The following PACRG variants were observed in gnomAD, a reference collection of about 807,000 sequenced individuals.
PACRG encodes the protein parkin coregulated gene protein.
Under a neutral mutation model 29.7 loss-of-function variants are expected in PACRG, and 29 were observed. The observed-to-expected ratio is 0.98, with a 90% confidence interval of 0.73 to 1.33. The LOEUF (loss-of-function observed/expected upper bound fraction) is 1.33, where lower values mean the gene tolerates loss of function less well. Among genes scored for constraint, PACRG ranks in the 40% most tolerant of loss-of-function variants. The pLI is 0.00. For missense variants in PACRG, 279 were observed against 316.2 expected, an observed-to-expected ratio of 0.88 and a Z score of 0.89; for synonymous variants, 116 against 118.7, an observed-to-expected ratio of 0.98 and a Z score of 0.15.
intron 4 of PACRG, among the ~76,000 whole-genome samples, chr6:163,185,991 CT>C (rs1779905896): frequency 1.3e-5 from 2 of 152,168 alleles, no homozygotes; most frequent in South Asian, 2.1e-4. Flanking sequence ...GGCGTGCCCC[CT>C]CCTCTCTCTG....
chr6:163,089,516 A>G (rs1453666426), intron 4 of PACRG, 108 bp downstream of exon 4: 12 of 1,337,906 alleles, frequency 9.0e-6, no homozygotes, highest in Non-Finnish European at 1.2e-5. Context: ...CATATAAACC[A>G]TGATCCATTT....
rs1184182310 is a variant in PACRG at position 162,773,855 on chromosome 6, C to T, written c.157-40292C>T. Among the ~76,000 whole-genome samples the T allele has an allele frequency of 2.0e-5, 3 of 152,014 alleles. No homozygotes were observed. The East Asian group carries it at 5.8e-4, about 29-fold the overall frequency. ...CAGCATATAAATGTAAAGACAAATC[C>T]TGGCTTCTTGCTGGAAAATCCTTTA... On this transcript the variant is annotated intron_variant, in intron 1 of 4. Coordinates refer to ENST00000366888, the MANE Select transcript of PACRG (RefSeq NM_001080379.2).
chr6:162,969,403 A>T (rs373526049), intron 2 of PACRG, among the ~76,000 whole-genome samples: 5 of 151,740 alleles, frequency 3.3e-5, no homozygotes, highest in African/African-American at 1.2e-4. Flanking sequence ...TCTTCTGTCC[A>T]TTGCTACCCC....
intron 3 of PACRG, among the ~76,000 whole-genome samples, chr6:163,083,395 G>A (rs569728984): frequency 8.5e-5 from 13 of 152,222 alleles, no homozygotes; most frequent in African/African-American, 3.1e-4. Flanking sequence ...GCTTTAAGTT[G>A]TCCTGCCTTT....
intron 2 of PACRG, among the ~76,000 whole-genome samples, chr6:162,975,918 G>C (rs1000844000): frequency 6.6e-6 from 1 of 151,890 alleles, no homozygotes; most frequent in African/African-American, 2.4e-5. Flanking sequence ...AAGATGAAAA[G>C]TTACAAACCT....
rs185126469 is a variant in PACRG at position 163,287,279 on chromosome 6, C to A, written c.614-27548C>A. ...AGGTCAAAAAGACAGCAAGCTCTTG[C>A]CTTTCACTTTGCAAAATCTGAACAA... On this transcript the variant is annotated intron_variant, in intron 4 of 4. Transcript: ENST00000366888. 3.6e-3 allele frequency among the ~76,000 whole-genome samples: 543 copies of A among 152,280 alleles called. 2 individuals carry two copies. Among genetic ancestry groups the A allele is most frequent in the Non-Finnish European group, 5.2e-3 (356 of 68,022 alleles).
intron 2 of PACRG, among the ~76,000 whole-genome samples, chr6:162,916,128 A>G (rs1796679494): frequency 6.6e-6 from 1 of 152,118 alleles, no homozygotes; most frequent in Non-Finnish European, 1.5e-5. Context: ...TGTCATTTTG[A>G]CTTCATTCTT....
At chr6:163,234,678 G>C (rs1176463812) in intron 4 of PACRG, among the ~76,000 whole-genome samples, 5 of 152,170 alleles carry the variant, frequency 3.3e-5, no homozygotes, top group African/African-American at 1.2e-4. Context: ...AACCACAGGA[G>C]TTTACTTCTA....
At chr6:163,091,786 A>C (rs1057256097) in intron 4 of PACRG, among the ~76,000 whole-genome samples, 2 of 152,230 alleles carry the variant, frequency 1.3e-5, no homozygotes, top group African/African-American at 2.4e-5. Context: ...CACTAGGAAA[A>C]TGATTTAGCT....
chr6:162,993,305 T>G (rs1358461983), intron 2 of PACRG, among the ~76,000 whole-genome samples: 1 of 134,142 alleles, frequency 7.5e-6, no homozygotes, highest in Non-Finnish European at 1.6e-5. Context: ...TTGTTGACTT[T>G]CTGTCTCATT....
chr6:162,862,330 G>A (rs1791928418), intron 2 of PACRG, among the ~76,000 whole-genome samples: 1 of 152,208 alleles, frequency 6.6e-6, no homozygotes, highest in Non-Finnish European at 1.5e-5. Context: ...TGAGAGGGAA[G>A]TGCTGGCTGA....
At chr6:163,101,461 C>G (rs539698053) in intron 4 of PACRG, 11 of 911,888 alleles carry the variant, frequency 1.2e-5, no homozygotes, top group Non-Finnish European at 1.3e-5. Flanking sequence ...TAAACAATCA[C>G]CTAACCAAAT....
intron 4 of PACRG, among the ~76,000 whole-genome samples, chr6:163,177,217 C>G (rs1481627812): frequency 6.6e-6 from 1 of 152,184 alleles, no homozygotes; most frequent in Non-Finnish European, 1.5e-5. Context: ...TAGAGACAGA[C>G]AGAGATATTT....
At chr6:163,070,532 A>G (rs760107284) in intron 3 of PACRG, among the ~76,000 whole-genome samples, 4 of 152,120 alleles carry the variant, frequency 2.6e-5, no homozygotes, top group Non-Finnish European at 4.4e-5. Flanking sequence ...ACTCAAATCA[A>G]AAAACATACA....
rs1470448960 is a variant in PACRG, at chr6:162,874,945, A to C, written c.291+60664A>C. ...CATATACACACACACATACACTCAC[A>C]CAGTCACATGCCTCCGGTCACACAC... is the stretch of plus-strand genomic sequence containing the variant. On this transcript the variant is annotated intron_variant, in intron 2 of 4. Coordinates refer to ENST00000366888, the MANE Select transcript of PACRG (RefSeq NM_001080379.2). Among the ~76,000 whole-genome samples the C allele has an allele frequency of 2.0e-5, 3 of 152,016 alleles. No homozygotes were observed. The South Asian group carries it at 6.2e-4, about 32-fold the overall frequency.
chr6:163,156,994 G>C (rs1486200948), intron 4 of PACRG, among the ~76,000 whole-genome samples: 1 of 152,164 alleles, frequency 6.6e-6, no homozygotes, highest in South Asian at 2.1e-4. Flanking sequence ...AGTACCTTTT[G>C]TCATGTAATG....
At chr6:163,151,280 C>G (rs1364411794) in intron 4 of PACRG, among the ~76,000 whole-genome samples, 1 of 152,082 alleles carries the variant, frequency 6.6e-6, no homozygotes, top group Non-Finnish European at 1.5e-5. Flanking sequence ...TAATTCCTTG[C>G]TCTTTAGACT....
In PACRG at chr6:162,909,316, G is replaced by C. The variant is rs149000419; in HGVS notation, c.291+95035G>C. 5.9e-3 allele frequency among the ~76,000 whole-genome samples: 897 copies of C among 152,130 alleles called. 12 individuals carry two copies. Among genetic ancestry groups the C allele is most frequent in the African/African-American group, 0.021 (853 of 41,506 alleles). ...CATGCCTGTAATCCCAGCACTTTGGGAGGCCGACGTGGGCGAATCAAGAGG... is the reference window on the plus strand; with the variant it reads ...CATGCCTGTAATCCCAGCACTTTGGCAGGCCGACGTGGGCGAATCAAGAGG... On this transcript the variant is annotated intron_variant, in intron 2 of 4. Coordinates refer to ENST00000366888, the MANE Select transcript of PACRG (RefSeq NM_001080379.2).
intron 4 of PACRG, among the ~76,000 whole-genome samples, chr6:163,120,894 A>AT (rs1816237019): frequency 6.6e-6 from 1 of 152,138 alleles, no homozygotes; most frequent in Non-Finnish European, 1.5e-5. Context: ...ACAATGCCAT[A>AT]CCTCACTAGA....
Sources: allele counts gnomAD v4.1 joint callset (sites outside exome capture counted in the v4.1 genomes callset), GRCh38; gene constraint gnomAD v4.1.1; transcripts MANE v1.5; gene names NCBI Gene and HGNC (gene_info 2026-07-23, HGNC 2026-07-21).